MARCHF1: variants seen among roughly 807,000 people sequenced by gnomAD.
The protein encoded by MARCHF1 is E3 ubiquitin-protein ligase MARCHF1.
Under a neutral mutation model 54.2 loss-of-function variants are expected in MARCHF1, and 40 were observed. That is an observed-to-expected ratio of 0.74 (90% CI 0.57 to 0.96). The LOEUF is 0.96. MARCHF1 is among the 40% of genes least tolerant of loss of function. MARCHF1 has a pLI of 0.00. For synonymous variants in MARCHF1, 236 were observed against 236.3 expected (o/e 1.00, Z 0.01); for missense variants, 586 against 656.5 (o/e 0.89, Z 1.17).
chr4:164,108,667 A>G (rs1755762325), intron 2 of MARCHF1, among the ~76,000 whole-genome samples: 1 of 151,824 alleles, frequency 6.6e-6, no homozygotes, highest in African/African-American at 2.4e-5. Flanking sequence ...TTCTTAAATT[A>G]AAAAAAACTT....
chr4:164,252,504 C>T (rs575783339), intron 1 of MARCHF1, among the ~76,000 whole-genome samples: 4 of 152,200 alleles, frequency 2.6e-5, no homozygotes, highest in East Asian at 1.9e-4. Context: ...CACAGCTGTG[C>T]GTCATGCTCA....
intron 3 of MARCHF1, among the ~76,000 whole-genome samples, chr4:163,937,513 T>C (rs1015753887): frequency 6.6e-6 from 1 of 151,310 alleles, no homozygotes; most frequent in Non-Finnish European, 1.5e-5. Flanking sequence ...TAAATATAAA[T>C]ATATACATAT....
chr4:163,765,055 C>T (rs1390707083), intron 4 of MARCHF1, among the ~76,000 whole-genome samples: 3 of 152,030 alleles, frequency 2.0e-5, no homozygotes, highest in African/African-American at 7.2e-5. Flanking sequence ...TATTATAAAT[C>T]AGTGTGCATC....
At chr4:164,032,832 A>C (rs1753906924) in intron 2 of MARCHF1, among the ~76,000 whole-genome samples, 1 of 152,124 alleles carries the variant, frequency 6.6e-6, no homozygotes, top group Non-Finnish European at 1.5e-5. Context: ...ACCGAAAAAG[A>C]GCCTGCAAAG....
chr4:164,150,572 T>C (rs1350024838), intron 1 of MARCHF1, among the ~76,000 whole-genome samples: 1 of 152,174 alleles, frequency 6.6e-6, no homozygotes, highest in African/African-American at 2.4e-5. Flanking sequence ...TGGTCCTGTT[T>C]AAGCTTGGCT....
intron 2 of MARCHF1, among the ~76,000 whole-genome samples, chr4:164,057,859 T>A (rs1419881428): frequency 6.6e-6 from 1 of 152,176 alleles, no homozygotes; most frequent in African/African-American, 2.4e-5. Flanking sequence ...CATTTTTTCT[T>A]AAAAGGATGT....
At chr4:163,539,422 A>T (rs1480781994) in intron 9 of MARCHF1, among the ~76,000 whole-genome samples, 1 of 152,238 alleles carries the variant, frequency 6.6e-6, no homozygotes, top group Non-Finnish European at 1.5e-5. Flanking sequence ...AGTTAAACAA[A>T]TTAACGGTGC....
At chr4:163,765,738 G>T (rs962675287) in intron 4 of MARCHF1, among the ~76,000 whole-genome samples, 3 of 151,398 alleles carry the variant, frequency 2.0e-5, no homozygotes, top group African/African-American at 4.9e-5. Context: ...ACATTTTGGG[G>T]CTAGCTGGCT....
chr4:164,343,784 T>TA (rs1193235049), intron 1 of MARCHF1, among the ~76,000 whole-genome samples: 1 of 152,170 alleles, frequency 6.6e-6, no homozygotes, highest in African/African-American at 2.4e-5. Flanking sequence ...GATGGAAATG[T>TA]AAATTAGTTC....
At chr4:164,092,836 C>T (rs1031030790) in intron 2 of MARCHF1, among the ~76,000 whole-genome samples, 3 of 152,134 alleles carry the variant, frequency 2.0e-5, no homozygotes, top group Non-Finnish European at 4.4e-5. Context: ...TCTTGATCTA[C>T]ACTGGAGCAG....
In MARCHF1 at chr4:163,612,956, A is replaced by ACTCCTTCCT. The variant is rs1482928423; in HGVS notation, c.316_324dup (p.Arg106_Glu108dup). On this transcript the variant is annotated inframe_insertion, in exon 7 of 10. Transcript: ENST00000514618. ...CTTTGTATTACTGATTTCTTACCAG[A>ACTCCTTCCT]CTCCTTCCTAGCAGGGCTCAGCACC... 6.5e-7 allele frequency: 1 copy of ACTCCTTCCT among 1,534,298 alleles called. No homozygotes were observed. Among genetic ancestry groups the ACTCCTTCCT allele is most frequent in the Non-Finnish European group, 8.7e-7 (1 of 1,146,140 alleles).
At chr4:163,816,367 T>TCA (rs1235427700) in intron 4 of MARCHF1, among the ~76,000 whole-genome samples, 3 of 107,162 alleles carry the variant, frequency 2.8e-5, no homozygotes, top group Non-Finnish European at 6.0e-5. Context: ...ATGAGTGAAA[T>TCA]AGTACCTTCT....
At chr4:163,559,048 A>G (rs2110969295) in intron 8 of MARCHF1, among the ~76,000 whole-genome samples, 1 of 152,210 alleles carries the variant, frequency 6.6e-6, no homozygotes, top group Middle Eastern at 3.4e-3. Flanking sequence ...TGATCCTTTG[A>G]TTATATTTTT....
intron 2 of MARCHF1, among the ~76,000 whole-genome samples, chr4:164,026,411 G>A (rs1753769412): frequency 6.6e-6 from 1 of 152,118 alleles, no homozygotes; most frequent in African/African-American, 2.4e-5. Context: ...TGCTTCCTGG[G>A]ATGCAAGACT....
At chr4:163,947,708 T>A (rs1297294174) in intron 3 of MARCHF1, among the ~76,000 whole-genome samples, 1 of 152,220 alleles carries the variant, frequency 6.6e-6, no homozygotes, top group East Asian at 1.9e-4. Flanking sequence ...ATGTGTGGTG[T>A]GTTAGGTTAC....
At chr4:163,651,520 C>T (rs541580234) in intron 5 of MARCHF1, among the ~76,000 whole-genome samples, 1,630 of 130,638 alleles carry the variant, frequency 0.012, 33 homozygotes, top group African/African-American at 0.048. Flanking sequence ...CTTTCAAGTA[C>T]CATACTTTTT....
intron 2 of MARCHF1, among the ~76,000 whole-genome samples, chr4:164,091,488 C>A (rs1755301822): frequency 6.7e-6 from 1 of 148,640 alleles, no homozygotes; most frequent in South Asian, 2.1e-4. Flanking sequence ...AAAAGCAAAT[C>A]ACTTGAAAAT....
chr4:164,020,529 C>A (rs1271356157), intron 2 of MARCHF1, among the ~76,000 whole-genome samples: 1 of 152,190 alleles, frequency 6.6e-6, no homozygotes, highest in Non-Finnish European at 1.5e-5. Flanking sequence ...TGTAGCATGG[C>A]AACAAGTCTA....
At chr4:164,265,005 T>C (rs1733570913) in intron 1 of MARCHF1, among the ~76,000 whole-genome samples, 1 of 152,128 alleles carries the variant, frequency 6.6e-6, no homozygotes, top group Non-Finnish European at 1.5e-5. Flanking sequence ...TTCCTAATTA[T>C]GATTTCTTTG....
Sources: gnomAD v4.1 joint callset for allele counts (sites outside exome capture counted in the v4.1 genomes callset) on GRCh38, gnomAD v4.1.1 for gene constraint, MANE v1.5 for transcripts, NCBI Gene and HGNC (gene_info 2026-07-23, HGNC 2026-07-21) for gene names.